RBM26: variants seen among roughly 807,000 people sequenced by gnomAD.
RBM26 encodes RNA binding motif protein 26, also known as RNA-binding protein 26.
Under a neutral mutation model 123.6 loss-of-function variants are expected in RBM26, and 30 were observed. The ratio of observed to expected loss-of-function variants is 0.24; its 90% CI spans 0.18 to 0.33. The LOEUF is 0.33. RBM26 is among the 10% of genes least tolerant of loss of function. The pLI, the probability that RBM26 is intolerant of heterozygous loss-of-function variation, is 1.00. For missense variants in RBM26, 947 were observed against 1,203.6 expected (o/e 0.79, Z 3.15); for synonymous variants, 400 against 404.4 (o/e 0.99, Z 0.13).
downstream of RBM26, chr13:79,314,941 G>A (rs1459740527): frequency 1.6e-6 from 2 of 1,276,392 alleles, no homozygotes; most frequent in East Asian, 1.1e-4. Flanking sequence ...ACAGGAACTG[G>A]TCTTGCTCTT....
At chr13:79,360,633 TTA>T (rs1266340121) in intron 9 of RBM26, among the ~76,000 whole-genome samples, 2 of 152,090 alleles carry the variant, frequency 1.3e-5, no homozygotes, top group African/African-American at 4.8e-5. Context: ...AAGGTTAGAG[TTA>T]TGATTGAAGT....
intron 20 of RBM26, among the ~76,000 whole-genome samples, chr13:79,331,622 C>T (rs552090172): frequency 2.0e-5 from 3 of 150,284 alleles, no homozygotes; most frequent in South Asian, 2.1e-4. Context: ...GGCAACACAG[C>T]GAGACTCCGC....
chr13:79,357,701 A>G (rs1213990891), intron 11 of RBM26, among the ~76,000 whole-genome samples: 2 of 152,204 alleles, frequency 1.3e-5, no homozygotes, highest in Non-Finnish European at 2.9e-5. Flanking sequence ...GAAACTGAGG[A>G]ACTGAAAACT....
At position 79,405,811 on chromosome 13, in the gene RBM26, C is replaced by A. The variant is rs1259011588; in HGVS notation, c.-37G>T. On this transcript the variant is annotated 5_prime_UTR_variant, in exon 1 of 22. Coordinates refer to ENST00000438737, the MANE Select transcript of RBM26 (RefSeq NM_001366735.2). Reference sequence around the variant, plus strand: ...CTAAGGCCCGTCACACTCCTCCGCCCGCCCAGGTCGCGGCCGCTACAGCCG... The same window carrying A: ...CTAAGGCCCGTCACACTCCTCCGCCAGCCCAGGTCGCGGCCGCTACAGCCG... The A allele has an allele frequency of 1.4e-6, 2 of 1,383,218 alleles. No individual in the cohort carries two copies. Among genetic ancestry groups the A allele is most frequent in the Admixed American group, 2.1e-5 (1 of 48,200 alleles). The allele number at this position is 1,383,218 out of a possible 1,614,324, so 85.7% of individuals were successfully genotyped here. A position where few individuals can be genotyped will look rare whatever the true frequency, so the allele number is the denominator to read the frequency against.
intron 21 of RBM26, 132 bp downstream of exon 21, chr13:79,322,217 T>C (rs1432829163): frequency 2.0e-6 from 1 of 493,316 alleles, no homozygotes; most frequent in African/African-American, 2.0e-5. Flanking sequence ...TTTGCATTTA[T>C]CTGATATCCC....
chr13:79,399,479 G>T (rs1041916131), intron 1 of RBM26, among the ~76,000 whole-genome samples: 1 of 152,096 alleles, frequency 6.6e-6, no homozygotes, highest in Non-Finnish European at 1.5e-5. Flanking sequence ...AGTGAATCAC[G>T]AAAGTTCAGC....
chr13:79,370,173 G>A (rs1594420078), intron 5 of RBM26, among the ~76,000 whole-genome samples: 1 of 152,020 alleles, frequency 6.6e-6, no homozygotes, highest in Non-Finnish European at 1.5e-5. Context: ...AAAATTAGCC[G>A]AGCATGGTGG....
rs113820832 is a variant in RBM26 at position 79,362,306 on chromosome 13, A to G, written c.1418-2620T>C. 3.9e-5 allele frequency among the ~76,000 whole-genome samples: 6 copies of G among 152,294 alleles called. 1 individual carries two copies. Among genetic ancestry groups the G allele is most frequent in the African/African-American group, 1.2e-4 (5 of 41,558 alleles). On this transcript the variant is annotated intron_variant, in intron 9 of 21. Coordinates refer to ENST00000438737, the MANE Select transcript of RBM26 (RefSeq NM_001366735.2). ...CCCCTATTCTAAGCCTCCAAATTAAATAAGTTACAAGTTTTGTCAATTCTT... is the reference window on the plus strand; with the variant it reads ...CCCCTATTCTAAGCCTCCAAATTAAGTAAGTTACAAGTTTTGTCAATTCTT...
intron 20 of RBM26, among the ~76,000 whole-genome samples, chr13:79,327,295 CAA>C (rs5805024): frequency 0.026 from 3,239 of 123,016 alleles, 61 homozygotes; most frequent in African/African-American, 0.077. Context: ...GAACCTGTCT[CAA>C]AAAAAAAAAA....
In RBM26 at chr13:79,341,257, A is replaced by T. The variant is rs544438287; in HGVS notation, c.2428-30T>A. 3.0e-6 allele frequency: 4 copies of T among 1,350,378 alleles called. No individual in the cohort carries two copies. The South Asian group carries it at 3.6e-5, about 12-fold the overall frequency. 83.6% of individuals were successfully genotyped at this position (1,350,378 alleles called of 1,614,324 possible). A position where few individuals can be genotyped will look rare whatever the true frequency, so the allele number is the denominator to read the frequency against. On this transcript the variant is annotated intron_variant, in intron 17 of 21. Coordinates refer to ENST00000438737, the MANE Select transcript of RBM26 (RefSeq NM_001366735.2). Reference sequence around the variant, plus strand: ...AAAATAGTAATTAATATTTTAGGTGACAGTAATTACTATCCTGTATTGATA... The same window carrying T: ...AAAATAGTAATTAATATTTTAGGTGTCAGTAATTACTATCCTGTATTGATA...
At chr13:79,398,000 T>C (rs1251264043) in intron 1 of RBM26, among the ~76,000 whole-genome samples, 4 of 152,188 alleles carry the variant, frequency 2.6e-5, no homozygotes, top group Non-Finnish European at 5.9e-5. Context: ...CTTACTCCAT[T>C]ATTTAATACA....
chr13:79,363,677 A>G (rs567548086), intron 9 of RBM26, among the ~76,000 whole-genome samples: 1 of 152,316 alleles, frequency 6.6e-6, no homozygotes, highest in South Asian at 2.1e-4. Flanking sequence ...AACAATATGC[A>G]TTAAGAGCTG....
At chr13:79,391,032 A>G (rs2077929873) in intron 1 of RBM26, among the ~76,000 whole-genome samples, 2 of 152,222 alleles carry the variant, frequency 1.3e-5, no homozygotes, top group African/African-American at 4.8e-5. Flanking sequence ...TTATAGAGAT[A>G]ACTTTGTGTG....
chr13:79,313,017 TA>T (rs1465917604), exon 5 of RBM26: 1 of 151,762 alleles, frequency 6.6e-6, no homozygotes, highest in Non-Finnish European at 1.5e-5. Flanking sequence ...TAAACTCTAT[TA>T]AAAAAACAAA....
At chr13:79,384,172 A>G (rs2077288776) in intron 1 of RBM26, among the ~76,000 whole-genome samples, 1 of 152,182 alleles carries the variant, frequency 6.6e-6, no homozygotes, top group Non-Finnish European at 1.5e-5. Flanking sequence ...ATTCACATCA[A>G]TGATTTTAAA....
intron 14 of RBM26, among the ~76,000 whole-genome samples, chr13:79,352,926 A>AATGG (rs2139461664): frequency 6.6e-6 from 1 of 152,308 alleles, no homozygotes; most frequent in South Asian, 2.1e-4. Flanking sequence ...AAAGAAAAGG[A>AATGG]ATGGAGTACA....
intron 1 of RBM26, among the ~76,000 whole-genome samples, chr13:79,395,827 T>C (rs1021759903): frequency 4.6e-5 from 7 of 151,878 alleles, no homozygotes; most frequent in Non-Finnish European, 8.8e-5. Flanking sequence ...TTTTAAAACA[T>C]ACATGAGATT....
Position 79,355,279 on chromosome 13 carries a change from T to C in RBM26, c.1795A>G (p.Ile599Val), listed in dbSNP as rs1313236041. The C allele has an allele frequency of 1.2e-6, 2 of 1,614,054 alleles. No homozygotes were observed. The highest frequency in any genetic ancestry group is 1.7e-5 in the Admixed American group (1 of 60,030). Residue 599 changes from isoleucine to valine, a missense_variant, in exon 12 of 22, where the codon ATT becomes GTT. Around this residue, in one of 5 missense-constraint regions of RBM26, gnomAD observed 493 missense variants for 563.1 expected, o/e 0.88. Transcript: ENST00000438737. ...CCTTCTCTGTGCCAATAAACCTTAA[T>C]AAAGCGATTGTTTAATACTGCTTCC... Reference protein sequence around the residue: ...STEAVLNNRFIKVYWHREGST... With the variant: ...STEAVLNNRFVKVYWHREGST...
intron 1 of RBM26, among the ~76,000 whole-genome samples, chr13:79,404,677 C>T (rs2079365328): frequency 1.3e-5 from 2 of 152,110 alleles, no homozygotes; most frequent in Admixed American, 1.3e-4. Flanking sequence ...TGTTCTTTTC[C>T]AAGACTTTGA....
Sources: allele counts gnomAD v4.1 joint callset (sites outside exome capture counted in the v4.1 genomes callset), GRCh38; gene constraint gnomAD v4.1.1; regional missense constraint gnomAD v4.1.1; transcripts MANE v1.5; gene names NCBI Gene and HGNC (gene_info 2026-07-23, HGNC 2026-07-21).